Variants in GNAQ observed in about 807,000 individuals in gnomAD.
GNAQ encodes the protein G protein subunit alpha q.
GNAQ carries 8 observed loss-of-function variants against 43.9 expected under a neutral mutation model. The observed-to-expected ratio is 0.18, with a 90% confidence interval of 0.11 to 0.33. The LOEUF is 0.33. GNAQ is among the 10% of genes least tolerant of loss of function. The pLI, the probability that GNAQ is intolerant of heterozygous loss-of-function variation, is 1.00. For synonymous variants in GNAQ, 155 were observed against 170.7 expected (o/e 0.91, Z 0.71); for missense variants, 158 against 450.8 (o/e 0.35, Z 5.88).
chr9:77,874,528 G>C (rs1828099585), intron 2 of GNAQ, among the ~76,000 whole-genome samples: 1 of 152,060 alleles, frequency 6.6e-6, no homozygotes, highest in South Asian at 2.1e-4. Context: ...GAGAATTTGG[G>C]GCAACAATCC....
chr9:77,798,133 C>T (rs1384163241), intron 3 of GNAQ, among the ~76,000 whole-genome samples: 1 of 152,096 alleles, frequency 6.6e-6, no homozygotes, highest in Non-Finnish European at 1.5e-5. Context: ...AGACAGCAGG[C>T]TACAGTGTCC....
At chr9:77,952,257 A>C (rs1315861699) in intron 1 of GNAQ, among the ~76,000 whole-genome samples, 1 of 152,236 alleles carries the variant, frequency 6.6e-6, no homozygotes, top group African/African-American at 2.4e-5. Context: ...TTGTTGTTCT[A>C]AAGTTACACT....
intron 2 of GNAQ, among the ~76,000 whole-genome samples, chr9:77,855,163 T>C (rs558403449): frequency 6.6e-6 from 1 of 152,120 alleles, no homozygotes; most frequent in East Asian, 1.9e-4. Flanking sequence ...GTGAATAAAT[T>C]TATCTGAAAA....
intron 1 of GNAQ, among the ~76,000 whole-genome samples, chr9:77,973,875 A>AT (rs1458930433): frequency 6.6e-6 from 1 of 152,014 alleles, no homozygotes; most frequent in Non-Finnish European, 1.5e-5. Context: ...TTTCCAGGAA[A>AT]TTTTTTTTAA....
chr9:77,977,083 C>G (rs950494854), intron 1 of GNAQ, among the ~76,000 whole-genome samples: 3 of 152,180 alleles, frequency 2.0e-5, no homozygotes, highest in Non-Finnish European at 4.4e-5. Flanking sequence ...CCCTTTTTAT[C>G]TCCTTTATCT....
chr9:77,780,345 A>G (rs181792953), intron 5 of GNAQ, among the ~76,000 whole-genome samples: 69 of 151,818 alleles, frequency 4.5e-4, no homozygotes, highest in Admixed American at 1.4e-3. Flanking sequence ...TTTTTCACAT[A>G]TAAGCATATG....
At chr9:77,752,771 C>T (rs1362385521) in intron 5 of GNAQ, among the ~76,000 whole-genome samples, 2 of 152,140 alleles carry the variant, frequency 1.3e-5, no homozygotes. Flanking sequence ...CCCCAAGTGA[C>T]TTTAAATTTG....
intron 2 of GNAQ, among the ~76,000 whole-genome samples, chr9:77,852,084 C>T (rs1004420955): frequency 6.6e-6 from 1 of 152,112 alleles, no homozygotes; most frequent in Non-Finnish European, 1.5e-5. Context: ...GGAGTTCACA[C>T]TTGATGAAAA....
intron 5 of GNAQ, among the ~76,000 whole-genome samples, chr9:77,762,907 C>G (rs1436767800): frequency 2.0e-5 from 3 of 151,888 alleles, no homozygotes; most frequent in African/African-American, 4.8e-5. Flanking sequence ...GCAGCATGCT[C>G]GTTAAGAGTC....
intron 5 of GNAQ, among the ~76,000 whole-genome samples, chr9:77,747,683 C>A (rs1825751310): frequency 6.6e-6 from 1 of 152,298 alleles, no homozygotes; most frequent in East Asian, 1.9e-4. Context: ...ATTCTGAGGG[C>A]AGCCTGAAGA....
At chr9:77,779,910 A>G (rs1826365595) in intron 5 of GNAQ, among the ~76,000 whole-genome samples, 1 of 151,956 alleles carries the variant, frequency 6.6e-6, no homozygotes, top group Non-Finnish European at 1.5e-5. Context: ...TCAGTAACCG[A>G]AATGGAACAA....
chr9:77,746,054 A>C (rs557662056), intron 5 of GNAQ, among the ~76,000 whole-genome samples: 2 of 152,318 alleles, frequency 1.3e-5, no homozygotes, highest in South Asian at 4.1e-4. Flanking sequence ...CCGAAGAGCC[A>C]TGGATTTTTT....
In GNAQ at chr9:77,774,106, T is replaced by G. The variant is rs531799241; in HGVS notation, c.735+20357A>C. 9.1e-4 allele frequency among the ~76,000 whole-genome samples: 138 copies of G among 152,282 alleles called. 2 individuals are homozygous for G. In the South Asian group the frequency reaches 0.012, roughly 13 times the overall value. ...CCTCTGGCTTTGAGACCACAGCATT[T>G]TCATTTGATTATCTACATTGTAGAG... On this transcript the variant is annotated intron_variant, in intron 5 of 6. Transcript: ENST00000286548.
intron 5 of GNAQ, among the ~76,000 whole-genome samples, chr9:77,779,901 C>T (rs1660647183): frequency 6.6e-6 from 1 of 151,910 alleles, no homozygotes; most frequent in African/African-American, 2.4e-5. Context: ...GGCCTATATT[C>T]AGTAACCGAA....
chr9:78,012,263 A>C (rs898435954), intron 1 of GNAQ, among the ~76,000 whole-genome samples: 8 of 135,902 alleles, frequency 5.9e-5, no homozygotes, highest in Non-Finnish European at 9.2e-5. Context: ...TTTGAGACGG[A>C]GTCTCACCTT....
At chr9:77,932,560 A>C (rs181126741) in intron 1 of GNAQ, among the ~76,000 whole-genome samples, 16 of 152,332 alleles carry the variant, frequency 1.1e-4, no homozygotes, top group African/African-American at 3.8e-4. Flanking sequence ...CATTCCAAGC[A>C]GTTGACCAGC....
At chr9:77,857,526 A>AAGGAAGGGAAGAAGGAAGGG in intron 2 of GNAQ, among the ~76,000 whole-genome samples, 3 of 141,838 alleles carry the variant, frequency 2.1e-5, no homozygotes, top group Non-Finnish European at 3.1e-5. Flanking sequence ...GGGAAGAAGG[A>AAGGAAGGGAAGAAGGAAGGG]AGGAAGGGAA....
Position 77,884,827 on chromosome 9 carries a change from T to G in GNAQ, c.321+37334A>C, listed in dbSNP as rs569788958. Among the ~76,000 whole-genome samples the G allele has an allele frequency of 1.2e-3, 188 of 152,328 alleles. 2 individuals carry two copies. The highest frequency in any genetic ancestry group is 4.3e-3 in the African/African-American group (177 of 41,576). On this transcript the variant is annotated intron_variant, in intron 2 of 6. Transcript: ENST00000286548. ...AGAGGTCAATGCCCCAAGGGCACTG[T>G]GAGTTAAGAAACTGGTCAAGAATCA...
intron 5 of GNAQ, among the ~76,000 whole-genome samples, chr9:77,772,465 C>T (rs1564106455): frequency 6.6e-6 from 1 of 152,126 alleles, no homozygotes; most frequent in Non-Finnish European, 1.5e-5. Flanking sequence ...CCACTGGGGT[C>T]AATATTAATT....
Sources: allele counts gnomAD v4.1 joint callset (sites outside exome capture counted in the v4.1 genomes callset), GRCh38; gene constraint gnomAD v4.1.1; transcripts MANE v1.5; gene names NCBI Gene and HGNC (gene_info 2026-07-23, HGNC 2026-07-21).